The following SOX5 variants were observed in gnomAD, a reference collection of about 807,000 sequenced individuals.
SOX5 encodes SRY-box transcription factor 5, also known as transcription factor SOX-5.
SOX5 carries 9 observed loss-of-function variants against 92.0 expected under a neutral mutation model. The observed-to-expected ratio is 0.10, with a 90% CI of 0.06 to 0.17. The LOEUF is 0.17. Ranked by LOEUF, SOX5 falls within the 10% of genes least tolerant of loss-of-function variation. The pLI is 1.00. For synonymous variants in SOX5, 344 were observed against 336.3 expected (o/e 1.02, Z -0.25); for missense variants, 642 against 944.5 (o/e 0.68, Z 4.20).
intron 1 of SOX5, among the ~76,000 whole-genome samples, chr12:23,940,230 T>C (rs1200470102): frequency 6.6e-6 from 1 of 151,264 alleles, no homozygotes; most frequent in Non-Finnish European, 1.5e-5. Flanking sequence ...TCATAGAATG[T>C]GAATCTTATC....
intron 1 of SOX5, among the ~76,000 whole-genome samples, chr12:24,428,668 C>A (rs1042516512): frequency 4.3e-5 from 5 of 117,534 alleles, no homozygotes; most frequent in Non-Finnish European, 8.1e-5. Flanking sequence ...ACTCTGGAGG[C>A]TGAGGTGGAA....
intron 4 of SOX5, among the ~76,000 whole-genome samples, chr12:24,008,664 C>T (rs916803965): frequency 2.0e-5 from 3 of 152,048 alleles, no homozygotes; most frequent in South Asian, 2.1e-4. Flanking sequence ...TTCAGTATTA[C>T]AATTTAAATA....
intron 1 of SOX5, among the ~76,000 whole-genome samples, chr12:24,526,909 G>C (rs1950762443): frequency 6.6e-6 from 1 of 151,220 alleles, no homozygotes; most frequent in African/African-American, 2.4e-5. Context: ...CCCTCAATCT[G>C]CCAGCCTCAA....
chr12:23,789,237 A>T (rs964594661), intron 3 of SOX5, among the ~76,000 whole-genome samples: 1 of 151,916 alleles, frequency 6.6e-6, no homozygotes, highest in Non-Finnish European at 1.5e-5. Context: ...TTGAAATAAA[A>T]AAAAAAAACA....
intron 4 of SOX5, among the ~76,000 whole-genome samples, chr12:24,012,445 A>G (rs1953053442): frequency 1.3e-5 from 2 of 152,182 alleles, no homozygotes; most frequent in South Asian, 2.1e-4. Context: ...GAGATGTAAA[A>G]AGCTGATGAA....
chr12:23,578,132 A>T (rs1949493722), intron 9 of SOX5, among the ~76,000 whole-genome samples: 1 of 144,690 alleles, frequency 6.9e-6, no homozygotes, highest in Non-Finnish European at 1.5e-5. Flanking sequence ...AAAAAAAAAA[A>T]AAAAAAAAAA....
chr12:23,656,296 T>C (rs1274052075), intron 7 of SOX5, among the ~76,000 whole-genome samples: 1 of 152,138 alleles, frequency 6.6e-6, no homozygotes, highest in East Asian at 1.9e-4. Flanking sequence ...TTGAAAGTTT[T>C]AAATTCTCCA....
At chr12:23,601,921 G>A (rs915308667) in intron 9 of SOX5, among the ~76,000 whole-genome samples, 10 of 152,106 alleles carry the variant, frequency 6.6e-5, no homozygotes, top group African/African-American at 2.4e-4. Flanking sequence ...AGGGCACTGA[G>A]CAAAGAAAGG....
At chr12:23,556,496 A>AAAAC (rs1420774378) in intron 11 of SOX5, among the ~76,000 whole-genome samples, 1 of 152,216 alleles carries the variant, frequency 6.6e-6, no homozygotes. Flanking sequence ...CAGAGGATTT[A>AAAAC]AAACATTGGG....
At chr12:24,275,098 G>T (rs542679960) in intron 3 of SOX5, among the ~76,000 whole-genome samples, 22 of 152,250 alleles carry the variant, frequency 1.4e-4, no homozygotes, top group African/African-American at 4.8e-4. Context: ...TCCTTGAACA[G>T]AGATATATAT....
At chr12:23,904,451 GAAT>G (rs2097269812) in intron 1 of SOX5, among the ~76,000 whole-genome samples, 1 of 151,888 alleles carries the variant, frequency 6.6e-6, no homozygotes, top group South Asian at 2.1e-4. Context: ...AGACAACATA[GAAT>G]AATAAAAAAG....
At chr12:24,280,239 T>C (rs1318705996) in intron 2 of SOX5, among the ~76,000 whole-genome samples, 1 of 152,206 alleles carries the variant, frequency 6.6e-6, no homozygotes, top group African/African-American at 2.4e-5. Flanking sequence ...ACTGTCATAC[T>C]AAAGTGCAGC....
chr12:23,556,448 C>T (rs1945194159), intron 11 of SOX5, among the ~76,000 whole-genome samples: 1 of 152,060 alleles, frequency 6.6e-6, no homozygotes, highest in Non-Finnish European at 1.5e-5. Flanking sequence ...ATATTAATCA[C>T]TTGTGTTATT....
chr12:23,828,331 T>A (rs1408749165), intron 3 of SOX5, among the ~76,000 whole-genome samples: 1 of 152,142 alleles, frequency 6.6e-6, no homozygotes, highest in Non-Finnish European at 1.5e-5. Context: ...TGTGTATGTG[T>A]GTGCACACAC....
At chr12:24,453,879 A>G (rs1368340847) in intron 1 of SOX5, among the ~76,000 whole-genome samples, 1 of 152,154 alleles carries the variant, frequency 6.6e-6, no homozygotes, top group African/African-American at 2.4e-5. Flanking sequence ...CATCTCTCTG[A>G]TTCAGCATGA....
intron 3 of SOX5, among the ~76,000 whole-genome samples, chr12:23,811,428 A>C (rs1023160909): frequency 6.6e-6 from 1 of 152,130 alleles, no homozygotes; most frequent in Non-Finnish European, 1.5e-5. Flanking sequence ...TTTAAAAGAA[A>C]ATATACTTCT....
intron 2 of SOX5, among the ~76,000 whole-genome samples, chr12:24,346,516 A>G (rs1465555501): frequency 2.0e-5 from 3 of 146,358 alleles, no homozygotes; most frequent in African/African-American, 7.7e-5. Context: ...CAGTGGCGTG[A>G]TATCAGCTCA....
At chr12:24,392,658 ATATTTATT>A (rs1959113571) in intron 1 of SOX5, among the ~76,000 whole-genome samples, 1 of 151,900 alleles carries the variant, frequency 6.6e-6, no homozygotes, top group Non-Finnish European at 1.5e-5. Flanking sequence ...CACCTATTAT[ATATTTATT>A]TATTTCCATC....
At chr12:24,385,926 CAAAAA>C (rs35813329) in intron 1 of SOX5, among the ~76,000 whole-genome samples, 1 of 73,424 alleles carries the variant, frequency 1.4e-5, no homozygotes, top group Non-Finnish European at 2.5e-5. Context: ...GACCTTGTCA[CAAAAA>C]AAAAAAAAAA....
Sources: allele counts gnomAD v4.1 joint callset (sites outside exome capture counted in the v4.1 genomes callset), GRCh38; gene constraint gnomAD v4.1.1; transcripts MANE v1.5; gene names NCBI Gene and HGNC (gene_info 2026-07-23, HGNC 2026-07-21).